The following PCDHGB5 variants were observed in gnomAD, a reference collection of about 807,000 sequenced individuals.
PCDHGB5 encodes the protein protocadherin gamma subfamily B, 5.
In PCDHGB5, 48 loss-of-function variants were observed where a neutral mutation model predicts 62.9. That is an observed-to-expected ratio of 0.76 (90% confidence interval 0.61 to 0.97). The LOEUF (loss-of-function observed/expected upper bound fraction) is 0.97. PCDHGB5 is among the 50% of genes least tolerant of loss of function. The pLI is 0.00. For synonymous variants in PCDHGB5, 474 were observed against 511.2 expected (o/e 0.93, Z 0.98); for missense variants, 1,118 against 1,198.6 (o/e 0.93, Z 0.99).
Position 141,485,813 on chromosome 5 carries a change from G to A in PCDHGB5, c.2398-8994G>A. The A allele has an allele frequency of 1.9e-6, 3 of 1,614,078 alleles. No individual in the cohort carries two copies. Among genetic ancestry groups the A allele is most frequent in the Non-Finnish European group, 2.5e-6 (3 of 1,180,008 alleles). On this transcript the variant is annotated intron_variant, in intron 1 of 3. Coordinates refer to ENST00000617380, the MANE Select transcript of PCDHGB5 (RefSeq NM_018925.3). This position sits in a 1 kb window ranked among gnomAD's most constrained non-coding sequence, Gnocchi z 5.7. ...ATCGGACTACCGCCTGGTGCTGACT[G>A]CTGTCGATGGAGGGAACCCGCCGAG... is the stretch of plus-strand genomic sequence containing the variant.
At chr5:141,456,364 G>A (rs778916049) in intron 1 of PCDHGB5, among the ~76,000 whole-genome samples, 2 of 152,258 alleles carry the variant, frequency 1.3e-5, no homozygotes, top group Admixed American at 6.5e-5. Flanking sequence ...TCCATGTGTG[G>A]TTCAGTTTAC....
chr5:141,402,071 A>G, intron 1 of PCDHGB5, among the ~76,000 whole-genome samples: 2 of 152,340 alleles, frequency 1.3e-5, no homozygotes, highest in Middle Eastern at 3.4e-3. Context: ...AAAACTAAGC[A>G]TTTTTGAAAT....
intron 2 of PCDHGB5, among the ~76,000 whole-genome samples, chr5:141,503,598 C>CAAAAAAA (rs765754054): frequency 1.5e-5 from 1 of 65,730 alleles, no homozygotes; most frequent in Non-Finnish European, 3.4e-5. Flanking sequence ...GACTCCAGCT[C>CAAAAAAA]AAAAAAAAAA....
In PCDHGB5 at chr5:141,486,369, C is replaced by T; in HGVS notation, c.2398-8438C>T. 8 of 1,614,128 alleles carry T rather than the reference C, an allele frequency of 5.0e-6. No homozygotes were observed. The highest frequency in any genetic ancestry group is 6.8e-6 in the Non-Finnish European group (8 of 1,179,996). On this transcript the variant is annotated intron_variant, in intron 1 of 3. Coordinates refer to ENST00000617380, the MANE Select transcript of PCDHGB5 (RefSeq NM_018925.3). The surrounding 1 kb of genome is among the most constrained non-coding windows in gnomAD (Gnocchi z 5.0). ...GACCACTTGCCATTTGCCCTCAAGT[C>T]TGCCTTCAGGAACCAGTTCTCCCTG...
chr5:141,398,627 T>C lies in PCDHGB5; in HGVS notation c.500T>C (p.Leu167Pro). Residue 167 changes from leucine (L) to proline (P), a missense_variant, in exon 1 of 4, where the codon CTG (leucine) becomes CCG (proline). Transcript: ENST00000617380. ...GATGCAGATATTGGCTTAAACTCTC[T>C]GCAGAAGTATAAACTCTCTCTTAAC... ...AEDADIGLNS[L>P]QKYKLSLNPS... 1 of 1,614,044 alleles carries C rather than the reference T, an allele frequency of 6.2e-7. No individual in the cohort carries two copies. The highest frequency in any genetic ancestry group is 8.5e-7 in the Non-Finnish European group (1 of 1,179,908).
chr5:141,435,396 G>A (rs562717014), intron 1 of PCDHGB5, among the ~76,000 whole-genome samples: 46 of 152,096 alleles, frequency 3.0e-4, no homozygotes, highest in African/African-American at 9.4e-4. Context: ...TTGCCATGAC[G>A]AAAAATGGTA....
intron 1 of PCDHGB5, among the ~76,000 whole-genome samples, chr5:141,462,218 C>T (rs2099034952): frequency 6.6e-6 from 1 of 152,180 alleles, no homozygotes; most frequent in African/African-American, 2.4e-5. Context: ...CCTCGGCCTC[C>T]CAAAGTGCAG....
At chr5:141,410,849 C>CTTGTTTTTTTTTTTTTTT (rs2095431880) in intron 1 of PCDHGB5, 1 of 129,786 alleles carries the variant, frequency 7.7e-6, no homozygotes, top group African/African-American at 6.0e-5. Context: ...TTGTCTTTGT[C>CTTGTTTTTTTTTTTTTTT]TTTTTTTTTT....
intron 1 of PCDHGB5, among the ~76,000 whole-genome samples, chr5:141,401,846 A>G (rs1168982151): frequency 6.6e-6 from 1 of 152,216 alleles, no homozygotes; most frequent in Non-Finnish European, 1.5e-5. Context: ...AATACCACTT[A>G]CTTTTAACCT....
rs200646513 is a variant in PCDHGB5, at chr5:141,421,389, G to A, written c.2397+20865G>A. ...TGGGCAATATCTCCAAGGACCTGGG[G>A]CTGGAGCCCCGGGAGCTGGCGAAGC... On this transcript the variant is annotated intron_variant, in intron 1 of 3. Coordinates refer to ENST00000617380, the MANE Select transcript of PCDHGB5 (RefSeq NM_018925.3). The A allele has an allele frequency of 1.7e-3, 2,771 of 1,614,052 alleles. 5 individuals carry two copies. The highest frequency in any genetic ancestry group is 2.2e-3 in the Non-Finnish European group (2,560 of 1,179,918).
rs2097423534 is a variant in PCDHGB5 at position 141,431,850 on chromosome 5, C to A, written c.2397+31326C>A. 6.2e-7 allele frequency: 1 copy of A among 1,614,234 alleles called. No individual in the cohort carries two copies. ...GTTCCCGAAAACTCTCCCAGAGGGA[C>A]ATTAATTGCCCTTTTAAATGTAAAT... On this transcript the variant is annotated intron_variant, in intron 1 of 3. Coordinates refer to ENST00000617380, the MANE Select transcript of PCDHGB5 (RefSeq NM_018925.3). This position sits in a 1 kb window ranked among gnomAD's most constrained non-coding sequence, Gnocchi z 4.8.
At chr5:141,412,216 T>C (rs1247540521) in intron 1 of PCDHGB5, 1 of 152,244 alleles carries the variant, frequency 6.6e-6, no homozygotes, top group East Asian at 1.9e-4. Context: ...ACATAAACAC[T>C]TACTTGTTAA....
intron 2 of PCDHGB5, among the ~76,000 whole-genome samples, chr5:141,499,115 C>G (rs940275925): frequency 6.6e-6 from 1 of 152,124 alleles, no homozygotes; most frequent in Non-Finnish European, 1.5e-5. Flanking sequence ...CACCACTATC[C>G]CTTCTCAGGT....
At chr5:141,426,850 C>T in intron 1 of PCDHGB5, 1 of 456,734 alleles carries the variant, frequency 2.2e-6, no homozygotes. Context: ...GGCAAGAACG[C>T]TCCAGAATTA....
intron 1 of PCDHGB5, chr5:141,408,218 G>A: frequency 6.4e-7 from 1 of 1,557,454 alleles, no homozygotes; most frequent in South Asian, 1.2e-5. Context: ...AGGGAGCTGC[G>A]CGCAGAGGCG....
At chr5:141,419,667 G>T in intron 1 of PCDHGB5, 1 of 1,612,894 alleles carries the variant, frequency 6.2e-7, no homozygotes, top group South Asian at 1.1e-5. Flanking sequence ...CACAATGCCT[G>T]GCTGTCCTAC....
chr5:141,403,220 A>G (rs1340190547), intron 1 of PCDHGB5: 1 of 1,613,824 alleles, frequency 6.2e-7, no homozygotes, highest in Non-Finnish European at 8.5e-7. Context: ...CGCGGGTAGG[A>G]TAGACCGGGA....
intron 1 of PCDHGB5, among the ~76,000 whole-genome samples, chr5:141,480,672 T>A (rs1053078255): frequency 2.0e-5 from 3 of 152,166 alleles, no homozygotes; most frequent in African/African-American, 7.2e-5. Context: ...CCTAGAGACC[T>A]TTTAAAAATT....
At chr5:141,410,739 A>G in intron 1 of PCDHGB5, 1 of 1,303,782 alleles carries the variant, frequency 7.7e-7, no homozygotes. Flanking sequence ...GCTTTTTACA[A>G]TATTTTCTCA....
Sources: allele counts gnomAD v4.1 joint callset (sites outside exome capture counted in the v4.1 genomes callset), GRCh38; gene constraint gnomAD v4.1.1; non-coding constraint Gnocchi (gnomAD v3.1); transcripts MANE v1.5; gene names NCBI Gene and HGNC (gene_info 2026-07-23, HGNC 2026-07-21).